Variants in JAZF1 observed in about 807,000 individuals in gnomAD.
JAZF1 encodes juxtaposed with another zinc finger protein 1.
JAZF1 carries 8 observed loss-of-function variants against 26.4 expected under a neutral mutation model. The observed-to-expected ratio is 0.30, with a 90% confidence interval of 0.18 to 0.55. The LOEUF (loss-of-function observed/expected upper bound fraction) is 0.55. Ranked by LOEUF, JAZF1 falls within the 20% of genes least tolerant of loss-of-function variation. The pLI, the probability that JAZF1 is intolerant of heterozygous loss-of-function variation, is 0.94. For synonymous variants in JAZF1, 126 were observed against 122.3 expected (o/e 1.03, Z -0.20); for missense variants, 199 against 322.0 (o/e 0.62, Z 2.92).
intron 2 of JAZF1, among the ~76,000 whole-genome samples, chr7:27,934,493 T>C (rs1784733724): frequency 6.6e-6 from 1 of 152,074 alleles, no homozygotes; most frequent in Non-Finnish European, 1.5e-5. Flanking sequence ...ACACCCCATA[T>C]ATATTATATA....
chr7:27,937,070 A>G (rs935964610), intron 2 of JAZF1, among the ~76,000 whole-genome samples: 2 of 152,236 alleles, frequency 1.3e-5, no homozygotes, highest in African/African-American at 2.4e-5. Context: ...GGCTTTGCCA[A>G]CAGTGTTAGG....
intron 2 of JAZF1, among the ~76,000 whole-genome samples, chr7:27,987,997 G>A (rs187167655): frequency 4.6e-5 from 7 of 151,954 alleles, no homozygotes; most frequent in Admixed American, 1.3e-4. Flanking sequence ...CAGCATGCTC[G>A]TTAAGAGTCA....
chr7:27,908,665 G>C (rs1200034572), intron 2 of JAZF1, among the ~76,000 whole-genome samples: 1 of 152,180 alleles, frequency 6.6e-6, no homozygotes, highest in East Asian at 1.9e-4. Context: ...CAACCAATCA[G>C]AAGGGGCCCA....
intron 2 of JAZF1, among the ~76,000 whole-genome samples, chr7:27,982,572 C>T (rs1258340898): frequency 6.6e-5 from 10 of 152,200 alleles, no homozygotes; most frequent in African/African-American, 1.7e-4. Context: ...CAGACTTAAA[C>T]GTCCCTGTCT....
intron 2 of JAZF1, among the ~76,000 whole-genome samples, chr7:27,972,874 C>A (rs565998227): frequency 6.6e-6 from 1 of 150,804 alleles, no homozygotes; most frequent in Non-Finnish European, 1.5e-5. Context: ...TATACATATA[C>A]GTATATATCT....
chr7:27,885,510 G>A (rs1185769281), intron 3 of JAZF1, among the ~76,000 whole-genome samples: 1 of 152,156 alleles, frequency 6.6e-6, no homozygotes, highest in Non-Finnish European at 1.5e-5. Context: ...AAATTGGGTT[G>A]TCCTTTCATT....
At chr7:28,175,051 C>T (rs1282874983) in intron 1 of JAZF1, among the ~76,000 whole-genome samples, 1 of 152,122 alleles carries the variant, frequency 6.6e-6, no homozygotes, top group African/African-American at 2.4e-5. Context: ...CACCCACAGG[C>T]CCAAGGCACA....
intron 1 of JAZF1, among the ~76,000 whole-genome samples, chr7:28,025,586 A>G (rs952949079): frequency 6.6e-6 from 1 of 152,218 alleles, no homozygotes; most frequent in Non-Finnish European, 1.5e-5. Flanking sequence ...AAAACATACT[A>G]TCTTTCTCAA....
intron 2 of JAZF1, among the ~76,000 whole-genome samples, chr7:27,906,472 C>T (rs1364086542): frequency 6.6e-6 from 1 of 152,184 alleles, no homozygotes; most frequent in Non-Finnish European, 1.5e-5. Flanking sequence ...AATACTATGT[C>T]TTTGTATGTT....
intron 2 of JAZF1, among the ~76,000 whole-genome samples, chr7:27,916,769 A>T (rs909163228): frequency 6.6e-6 from 1 of 152,270 alleles, no homozygotes; most frequent in African/African-American, 2.4e-5. Flanking sequence ...GAAACAAGAA[A>T]GCAGAGCACT....
intron 1 of JAZF1, among the ~76,000 whole-genome samples, chr7:28,025,582 T>C (rs1027396742): frequency 2.0e-5 from 3 of 152,212 alleles, no homozygotes; most frequent in African/African-American, 7.2e-5. Flanking sequence ...TTTAAAAACA[T>C]ACTATCTTTC....
At chr7:27,905,552 TTTTA>T (rs1784240704) in intron 2 of JAZF1, among the ~76,000 whole-genome samples, 1 of 151,332 alleles carries the variant, frequency 6.6e-6, no homozygotes, top group Non-Finnish European at 1.5e-5. Flanking sequence ...TTATTTTTCT[TTTTA>T]TTTTTTATTT....
intron 1 of JAZF1, among the ~76,000 whole-genome samples, chr7:28,024,093 C>T (rs962118191): frequency 6.6e-6 from 1 of 151,382 alleles, no homozygotes; most frequent in Non-Finnish European, 1.5e-5. Context: ...CAAGACCAAC[C>T]TGGGCAGCAT....
chr7:28,005,412 C>T (rs1169823289), intron 1 of JAZF1, among the ~76,000 whole-genome samples: 1 of 147,782 alleles, frequency 6.8e-6, no homozygotes, highest in Non-Finnish European at 1.5e-5. Context: ...CGAATCATTG[C>T]TTAAAAAAAA....
intron 2 of JAZF1, among the ~76,000 whole-genome samples, chr7:27,990,817 T>G (rs1245968857): frequency 6.6e-6 from 1 of 152,232 alleles, no homozygotes; most frequent in Non-Finnish European, 1.5e-5. Context: ...TTGATGTAAT[T>G]TTGAAGGCGT....
chr7:28,089,261 G>A (rs1047813560), intron 1 of JAZF1, among the ~76,000 whole-genome samples: 2 of 152,134 alleles, frequency 1.3e-5, no homozygotes, highest in African/African-American at 4.8e-5. Context: ...CTTATAAGAG[G>A]GGACTTGAGA....
At chr7:27,993,574 A>G (rs1785950692) in intron 1 of JAZF1, among the ~76,000 whole-genome samples, 1 of 152,194 alleles carries the variant, frequency 6.6e-6, no homozygotes, top group African/African-American at 2.4e-5. Flanking sequence ...TTTTGTCCAA[A>G]GAAATGGCAC....
At chr7:28,104,541 TTAGA>T (rs1784521814) in intron 1 of JAZF1, among the ~76,000 whole-genome samples, 1 of 152,236 alleles carries the variant, frequency 6.6e-6, no homozygotes, top group Non-Finnish European at 1.5e-5. Context: ...AATTTGTCAC[TTAGA>T]TAAACATGTG....
intron 3 of JAZF1, among the ~76,000 whole-genome samples, chr7:27,855,786 A>G (rs181633379): frequency 2.2e-3 from 339 of 152,340 alleles, no homozygotes; most frequent in African/African-American, 7.7e-3. Flanking sequence ...CCACAGGTAC[A>G]AAGAGGATCT....
Sources: gnomAD v4.1 joint callset for allele counts (sites outside exome capture counted in the v4.1 genomes callset) on GRCh38, gnomAD v4.1.1 for gene constraint, MANE v1.5 for transcripts, NCBI Gene and HGNC (gene_info 2026-07-23, HGNC 2026-07-21) for gene names.